ABI2: variants seen among roughly 807,000 people sequenced by gnomAD.
ABI2 encodes abelson interactor 2.
In ABI2, 25 loss-of-function variants were observed where a neutral mutation model predicts 59.2. The ratio of observed to expected loss-of-function variants is 0.42; its 90% confidence interval spans 0.31 to 0.59. The LOEUF is 0.59. Among genes scored for constraint, ABI2 ranks in the 20% least tolerant of loss-of-function variants. The pLI, the probability that ABI2 is intolerant of heterozygous loss-of-function variation, is 0.14. For missense variants in ABI2, 545 were observed against 681.8 expected, an observed-to-expected ratio of 0.80 and a Z score of 2.23; for synonymous variants, 213 against 235.5, an observed-to-expected ratio of 0.90 and a Z score of 0.87.
chr2:203,406,561 T>A (rs2097434082), intron 9 of ABI2, among the ~76,000 whole-genome samples: 1 of 152,228 alleles, frequency 6.6e-6, no homozygotes, highest in Non-Finnish European at 1.5e-5. Context: ...TCACATATTC[T>A]CTAAATGATT....
chr2:203,383,128 C>G (rs2096244124), intron 4 of ABI2: 1 of 154,716 alleles, frequency 6.5e-6, no homozygotes, highest in African/African-American at 2.4e-5. Context: ...TTCCTCCCAT[C>G]TAATACCCAT....
intron 1 of ABI2, among the ~76,000 whole-genome samples, chr2:203,332,823 T>C (rs2074475463): frequency 6.6e-6 from 1 of 152,234 alleles, no homozygotes; most frequent in Non-Finnish European, 1.5e-5. Context: ...CTTGTTGATA[T>C]GTACGTTTTT....
At chr2:203,422,579 A>G (rs1012429305) in intron 11 of ABI2, among the ~76,000 whole-genome samples, 2 of 152,192 alleles carry the variant, frequency 1.3e-5, no homozygotes, top group African/African-American at 2.4e-5. Context: ...GGGAGAAGAC[A>G]CTGTCATGGA....
rs1399631749 is a variant in ABI2, at chr2:203,431,009, G to A, written c.*3657G>A. 1 of 152,110 alleles carries A rather than the reference G, an allele frequency of 6.6e-6. No homozygotes were observed. The highest frequency in any genetic ancestry group is 1.9e-4 in the East Asian group (1 of 5,194). The allele number at this position is 152,110 out of a possible 1,614,324, so 9.4% of individuals were successfully genotyped here. A position where few individuals can be genotyped will look rare whatever the true frequency, so the allele number is the denominator to read the frequency against. On this transcript the variant is annotated 3_prime_UTR_variant, in exon 12 of 12. Coordinates refer to ENST00000261018, the MANE Select transcript of ABI2 (RefSeq NM_001375670.1). The stretch of plus-strand genomic sequence containing the variant: ...CTCCTTTGTGGAGACAGCATGACAT[G>A]TCCTGAAGGTCACCTTTGCCTTTGA...
chr2:203,361,706 C>T (rs894446414), intron 1 of ABI2, among the ~76,000 whole-genome samples: 1 of 152,174 alleles, frequency 6.6e-6, no homozygotes, highest in African/African-American at 2.4e-5. Flanking sequence ...CTTATTTCTA[C>T]TTAAAACATG....
intron 2 of ABI2, chr2:203,375,953 G>C (rs1053612900): frequency 2.4e-6 from 2 of 824,432 alleles, no homozygotes; most frequent in East Asian, 2.8e-5. Flanking sequence ...GTTCAACCCC[G>C]TGTGGTAGTA....
At chr2:203,404,742 A>G (rs923133827) in intron 9 of ABI2, among the ~76,000 whole-genome samples, 29 of 152,162 alleles carry the variant, frequency 1.9e-4, no homozygotes, top group Non-Finnish European at 4.1e-4. Flanking sequence ...TATTTTTAGT[A>G]GAGACAGGGT....
intron 1 of ABI2, among the ~76,000 whole-genome samples, chr2:203,339,077 T>C (rs2078346947): frequency 6.8e-6 from 1 of 146,898 alleles, no homozygotes; most frequent in Non-Finnish European, 1.5e-5. Context: ...GTAGACATTT[T>C]TTCAAAGAAG....
intron 1 of ABI2, among the ~76,000 whole-genome samples, chr2:203,337,090 G>A (rs2076809640): frequency 6.6e-6 from 1 of 152,166 alleles, no homozygotes; most frequent in African/African-American, 2.4e-5. Context: ...TAAGACAGTG[G>A]TGCCCAGTGT....
At chr2:203,345,089 C>T (rs1017240451) in intron 1 of ABI2, among the ~76,000 whole-genome samples, 2 of 152,214 alleles carry the variant, frequency 1.3e-5, no homozygotes, top group Admixed American at 6.5e-5. Context: ...AAGCTTTCTT[C>T]TTAGGCTCTT....
At chr2:203,369,138 A>G (rs1417748597) in intron 2 of ABI2, among the ~76,000 whole-genome samples, 1 of 151,784 alleles carries the variant, frequency 6.6e-6, no homozygotes, top group Non-Finnish European at 1.5e-5. Flanking sequence ...CCTGGCCTGA[A>G]CTTGGTTTTC....
chr2:203,416,398 C>T (rs781210589), intron 10 of ABI2, among the ~76,000 whole-genome samples: 54 of 152,042 alleles, frequency 3.6e-4, no homozygotes, highest in Admixed American at 5.9e-4. Flanking sequence ...CCGGTTCCAG[C>T]GATTCTTGTG....
intron 9 of ABI2, among the ~76,000 whole-genome samples, chr2:203,404,306 T>C (rs2097340891): frequency 6.6e-6 from 1 of 152,210 alleles, no homozygotes; most frequent in Non-Finnish European, 1.5e-5. Flanking sequence ...CTCTCGTAAA[T>C]TAAGTGCTGT....
At chr2:203,392,299 C>CCACCACCA (rs2096777900) in intron 5 of ABI2, among the ~76,000 whole-genome samples, 1 of 94,724 alleles carries the variant, frequency 1.1e-5, no homozygotes, top group African/African-American at 4.1e-5. Context: ...ACCACCACCA[C>CCACCACCA]CACCACCACC....
chr2:203,427,460 T>C lies in ABI2; in HGVS notation c.*108T>C, dbSNP rs536281475. 2 of 1,036,888 alleles carry C rather than the reference T, an allele frequency of 1.9e-6. No individual in the cohort carries two copies. The highest frequency in any genetic ancestry group is 5.9e-5 in the Admixed American group (2 of 33,744). The allele number at this position is 1,036,888 out of a possible 1,614,324, so 64.2% of individuals were successfully genotyped here. ...AAAGTAGAATGAAGGATACAAATGA[T>C]AAAAATTACACTTTTTTTTTTGGTT... On this transcript the variant is annotated 3_prime_UTR_variant, in exon 12 of 12. Coordinates refer to ENST00000261018, the MANE Select transcript of ABI2 (RefSeq NM_001375670.1).
chr2:203,339,875 G>A (rs1354626418), intron 1 of ABI2, among the ~76,000 whole-genome samples: 4 of 152,152 alleles, frequency 2.6e-5, no homozygotes, highest in Non-Finnish European at 5.9e-5. Flanking sequence ...ACCCAAATCT[G>A]CATATACTCA....
chr2:203,383,963 C>T (rs983082393), intron 4 of ABI2, among the ~76,000 whole-genome samples: 1 of 151,838 alleles, frequency 6.6e-6, no homozygotes, highest in African/African-American at 2.4e-5. Flanking sequence ...AGAAAGTCAT[C>T]ATACTTTAGG....
intron 1 of ABI2, among the ~76,000 whole-genome samples, chr2:203,344,446 GTC>G (rs1340216074): frequency 6.6e-6 from 1 of 151,854 alleles, no homozygotes; most frequent in Non-Finnish European, 1.5e-5. Context: ...TCTCACTGCA[GTC>G]TCTGCCTCCT....
intron 1 of ABI2, among the ~76,000 whole-genome samples, chr2:203,353,470 G>A (rs1181527601): frequency 6.6e-6 from 1 of 151,998 alleles, no homozygotes; most frequent in African/African-American, 2.4e-5. Context: ...GTCCAGAGGT[G>A]CTTCATTTAT....
Sources: allele counts gnomAD v4.1 joint callset (sites outside exome capture counted in the v4.1 genomes callset), GRCh38; gene constraint gnomAD v4.1.1; transcripts MANE v1.5; gene names NCBI Gene and HGNC (gene_info 2026-07-23, HGNC 2026-07-21).